The following SVIL variants were observed in gnomAD, a reference collection of about 807,000 sequenced individuals.
The protein encoded by SVIL is archvillin.
SVIL carries 101 observed loss-of-function variants against 240.4 expected under a neutral mutation model. The observed-to-expected ratio is 0.42, with a 90% CI of 0.36 to 0.50. The LOEUF (loss-of-function observed/expected upper bound fraction) is 0.50, where lower values mean the gene tolerates loss of function less well. SVIL is among the 20% of genes least tolerant of loss of function. The probability of loss-of-function intolerance (pLI) is 0.01; values close to 1 mark genes in which losing one functional copy is unlikely to be tolerated. For synonymous variants in SVIL, 999 were observed against 1,100.0 expected (o/e 0.91, Z 1.82); for missense variants, 2,512 against 2,818.7 (o/e 0.89, Z 2.46).
Position 29,702,400 on chromosome 10 carries a change from C to T in SVIL, c.-399-15749G>A, listed in dbSNP as rs1324206167. Among the ~76,000 whole-genome samples, 5 of 152,110 alleles carry T rather than the reference C, an allele frequency of 3.3e-5. No individual in the cohort carries two copies. The East Asian group carries it at 5.8e-4, about 18-fold the overall frequency. On this transcript the variant is annotated intron_variant, in intron 1 of 35. Transcript: ENST00000375400. ...GGATCTAAGACAAAAACCATCCACA[C>T]TGACCTCCCCGCTGGGTTCTGCGTG...
At chr10:29,564,018 T>C (rs1206919922) in intron 2 of SVIL, among the ~76,000 whole-genome samples, 1 of 152,006 alleles carries the variant, frequency 6.6e-6, no homozygotes, top group Non-Finnish European at 1.5e-5. Context: ...CTCAGCGAGG[T>C]GCTGATAAAG....
chr10:29,636,949 G>A (rs1371443533), upstream of SVIL, among the ~76,000 whole-genome samples: 1 of 152,056 alleles, frequency 6.6e-6, no homozygotes, highest in Non-Finnish European at 1.5e-5. Context: ...CTACAGATGT[G>A]CACCACCACA....
At chr10:29,681,451 TGA>T (rs1241497512) in intron 2 of SVIL, among the ~76,000 whole-genome samples, 5 of 123,628 alleles carry the variant, frequency 4.0e-5, no homozygotes, top group African/African-American at 1.3e-4. Context: ...GTACGTGTGT[TGA>T]GAGAGAGAGA....
intron 1 of SVIL, among the ~76,000 whole-genome samples, chr10:29,723,286 G>A (rs1447774854): frequency 6.6e-6 from 1 of 152,228 alleles, no homozygotes; most frequent in African/African-American, 2.4e-5. Flanking sequence ...AGGCTAAGAT[G>A]AAAGGATTAC....
intron 6 of SVIL, among the ~76,000 whole-genome samples, chr10:29,540,595 C>T (rs1200202311): frequency 6.6e-6 from 1 of 152,182 alleles, no homozygotes; most frequent in Non-Finnish European, 1.5e-5. Context: ...TTCCAGCCTT[C>T]CAGAGTGACA....
intron 34 of SVIL, among the ~76,000 whole-genome samples, chr10:29,464,037 G>A (rs372995608): frequency 6.6e-6 from 1 of 152,224 alleles, no homozygotes; most frequent in African/African-American, 2.4e-5. Flanking sequence ...ATCAACACTG[G>A]AGCGCACATC....
chr10:29,473,944 T>C lies in SVIL; in HGVS notation c.5423A>G (p.Lys1808Arg). The change falls in exon 30 of 38, where the codon AAA becomes AGA. Residue 1808 changes from lysine (K) to arginine (R), a missense_variant. This residue lies in a region of SVIL where 797 missense variants were observed against 925.3 expected (regional missense o/e 0.86). Coordinates refer to ENST00000355867, the MANE Select transcript of SVIL (RefSeq NM_021738.3). ...CCAGAAGAAGTAGACGCACTTCTCT[T>C]TGCCGGCTGCCCTCACCGAGTGCTC... is the stretch of plus-strand genomic sequence containing the variant. The part of the protein sequence containing the change: ...KGEHSVRAAG[K>R]EKCVYFFWQG... 6.2e-7 allele frequency: 1 copy of C among 1,614,020 alleles called. No individual in the cohort carries two copies. The highest frequency in any genetic ancestry group is 8.5e-7 in the Non-Finnish European group (1 of 1,180,002).
At chr10:29,500,959 G>A (rs184722728) in intron 17 of SVIL, among the ~76,000 whole-genome samples, 5 of 152,242 alleles carry the variant, frequency 3.3e-5, no homozygotes, top group African/African-American at 1.2e-4. Context: ...GAGGAAAGGC[G>A]CCTTCCCTTC....
At chr10:29,594,555 T>C (rs1000865702) in intron 1 of SVIL, among the ~76,000 whole-genome samples, 2 of 115,960 alleles carry the variant, frequency 1.7e-5, no homozygotes, top group African/African-American at 6.1e-5. Flanking sequence ...TCTTAATTTT[T>C]TTTCTTTTTT....
intron 30 of SVIL, among the ~76,000 whole-genome samples, chr10:29,473,063 G>A (rs1945768869): frequency 6.6e-6 from 1 of 152,110 alleles, no homozygotes; most frequent in Non-Finnish European, 1.5e-5. Context: ...ATGGGTCACA[G>A]GGCAGGAGGT....
chr10:29,658,494 C>G (rs1333114257), intron 2 of SVIL, among the ~76,000 whole-genome samples: 1 of 152,214 alleles, frequency 6.6e-6, no homozygotes, highest in Non-Finnish European at 1.5e-5. Flanking sequence ...TGGTGGCTCC[C>G]ACCTGTAATC....
rs937009568 is a variant in SVIL at position 29,615,572 on chromosome 10, G to A, written c.-201+18848C>T. 9.9e-5 allele frequency among the ~76,000 whole-genome samples: 15 copies of A among 152,236 alleles called. No individual in the cohort carries two copies. The East Asian group carries it at 2.7e-3, about 27-fold the overall frequency. The stretch of plus-strand genomic sequence containing the variant: ...CTTTCCTTCTGGAGAAGGTTTGAAT[G>A]AATCAGAAGTGTCACAAAGCAAATT... On this transcript the variant is annotated intron_variant, in intron 1 of 37. Coordinates refer to ENST00000355867, the MANE Select transcript of SVIL (RefSeq NM_021738.3).
intron 1 of SVIL, among the ~76,000 whole-genome samples, chr10:29,624,444 A>T (rs1957787648): frequency 6.6e-6 from 1 of 152,210 alleles, no homozygotes; most frequent in Non-Finnish European, 1.5e-5. Flanking sequence ...AGGCTGAGGC[A>T]GAAGAATCAC....
chr10:29,466,453 C>G (rs1301828799), intron 33 of SVIL, among the ~76,000 whole-genome samples: 1 of 152,004 alleles, frequency 6.6e-6, no homozygotes, highest in Admixed American at 6.6e-5. Flanking sequence ...GAAACTTGGC[C>G]CGAGCTGATA....
chr10:29,711,605 G>A (rs1475107866), intron 1 of SVIL, among the ~76,000 whole-genome samples: 1 of 151,902 alleles, frequency 6.6e-6, no homozygotes, highest in Admixed American at 6.6e-5. Flanking sequence ...TACTAAAAAT[G>A]CAAAAATTAG....
chr10:29,469,317 T>C (rs1257895868), intron 32 of SVIL, among the ~76,000 whole-genome samples: 2 of 152,144 alleles, frequency 1.3e-5, no homozygotes, highest in Non-Finnish European at 2.9e-5. Flanking sequence ...ACCTGCCCCG[T>C]TCTCCTCTCT....
intron 2 of SVIL, among the ~76,000 whole-genome samples, chr10:29,660,271 T>C (rs1441453748): frequency 1.3e-5 from 2 of 152,072 alleles, no homozygotes; most frequent in African/African-American, 4.8e-5. Context: ...ATTGTACCAC[T>C]GCGCTCCAGC....
chr10:29,534,308 G>T (rs969553222), intron 7 of SVIL, among the ~76,000 whole-genome samples: 10 of 152,150 alleles, frequency 6.6e-5, no homozygotes, highest in African/African-American at 2.4e-4. Flanking sequence ...TTTGAGACCA[G>T]TTTGGGCAAC....
intron 1 of SVIL, among the ~76,000 whole-genome samples, chr10:29,581,307 C>T (rs938699300): frequency 1.3e-5 from 2 of 152,198 alleles, no homozygotes; most frequent in African/African-American, 4.8e-5. Flanking sequence ...TTCATTTCCC[C>T]TTGATCACAT....
Sources: gnomAD v4.1 joint callset for allele counts (sites outside exome capture counted in the v4.1 genomes callset) on GRCh38, gnomAD v4.1.1 for gene constraint, gnomAD v4.1.1 regional missense constraint, MANE v1.5 for transcripts, NCBI Gene and HGNC (gene_info 2026-07-23, HGNC 2026-07-21) for gene names.